Variants in A2ML1 observed in about 807,000 individuals in gnomAD.
A2ML1 encodes the protein alpha-2-macroglobulin-like protein 1.
Under a neutral mutation model 181.9 loss-of-function variants are expected in A2ML1, and 161 were observed. That is an observed-to-expected ratio of 0.89 (90% CI 0.78 to 1.01). The LOEUF (loss-of-function observed/expected upper bound fraction) is 1.01. Among genes scored for constraint, A2ML1 ranks in the 50% least tolerant of loss-of-function variants. A2ML1 has a pLI of 0.00. For synonymous variants in A2ML1, 663 were observed against 666.8 expected (o/e 0.99, Z 0.09); for missense variants, 1,670 against 1,768.1 (o/e 0.94, Z 1.00).
At chr12:8,844,908 A>C in intron 12 of A2ML1, 6 of 1,088,958 alleles carry the variant, frequency 5.5e-6, no homozygotes, top group Non-Finnish European at 7.1e-6. Context: ...GCGTGGGATG[A>C]GAGCCTGCTT....
At chr12:8,840,401 C>T (rs989138150) in intron 10 of A2ML1, among the ~76,000 whole-genome samples, 9 of 151,354 alleles carry the variant, frequency 5.9e-5, no homozygotes, top group Non-Finnish European at 1.2e-4. Flanking sequence ...ATTTTCTTTG[C>T]TAGTGTTTTC....
chr12:8,833,957 G>C (rs7970580), intron 4 of A2ML1, among the ~76,000 whole-genome samples: 122,122 of 152,020 alleles, frequency 0.8, 49,636 homozygotes, highest in East Asian at 1. Flanking sequence ...AAAAATCAAG[G>C]ACTGTCTTGA....
chr12:8,842,421 G>C (rs753793980), intron 11 of A2ML1, among the ~76,000 whole-genome samples: 1 of 151,914 alleles, frequency 6.6e-6, no homozygotes, highest in Non-Finnish European at 1.5e-5. Context: ...GGGTTTCACT[G>C]TGTTAGCCAG....
chr12:8,834,742 G>A (rs979036122), intron 5 of A2ML1, 60 bp downstream of exon 5: 2 of 1,604,782 alleles, frequency 1.2e-6, no homozygotes, highest in South Asian at 1.1e-5. Context: ...TGAGAATTTG[G>A]TGGTACACCT....
chr12:8,834,586 A>G (rs1455993828), intron 4 of A2ML1, 76 bp from the exon 5 acceptor site: 2 of 1,546,366 alleles, frequency 1.3e-6, no homozygotes, highest in African/African-American at 2.8e-5. Flanking sequence ...ATTCTTTGTG[A>G]ACTTTTGCTT....
intron 33 of A2ML1, among the ~76,000 whole-genome samples, chr12:8,874,021 T>G (rs1030454165): frequency 6.6e-6 from 1 of 151,830 alleles, no homozygotes; most frequent in African/African-American, 2.4e-5. Context: ...AAAAAAAAAT[T>G]TTTTTTTAAT....
intron 11 of A2ML1, among the ~76,000 whole-genome samples, chr12:8,842,030 A>C (rs913211925): frequency 2.0e-5 from 3 of 152,210 alleles, no homozygotes; most frequent in African/African-American, 7.2e-5. Flanking sequence ...TGGGGCATTC[A>C]GTCAGGCAGC....
chr12:8,868,658 A>T (rs1279060053), intron 32 of A2ML1, 31 bp downstream of exon 32: 1 of 1,596,600 alleles, frequency 6.3e-7, no homozygotes, highest in African/African-American at 1.3e-5. Context: ...TCATTTATCT[A>T]GCTGTGAGGG....
intron 31 of A2ML1, 74 bp downstream of exon 31, chr12:8,868,431 T>C: frequency 6.3e-7 from 1 of 1,583,976 alleles, no homozygotes; most frequent in Non-Finnish European, 8.6e-7. Flanking sequence ...CTTGTGTGTG[T>C]GTGTGTCTGT....
intron 12 of A2ML1, among the ~76,000 whole-genome samples, chr12:8,844,172 G>A (rs1461201531): frequency 6.6e-6 from 1 of 151,878 alleles, no homozygotes; most frequent in Non-Finnish European, 1.5e-5. Context: ...TGAGAAAATA[G>A]TGCTGGCCAG....
chr12:8,843,056 T>A, intron 11 of A2ML1, 78 bp from the exon 12 acceptor site: 1 of 1,314,210 alleles, frequency 7.6e-7, no homozygotes, highest in East Asian at 2.3e-5. Flanking sequence ...AGAGCTCTAT[T>A]TGAAAACCGT....
In A2ML1 at chr12:8,834,688, C is replaced by A. The variant is rs754169968; in HGVS notation, c.483+6C>A. 7 of 1,614,102 alleles carry A rather than the reference C, an allele frequency of 4.3e-6. No homozygotes were observed. The highest frequency in any genetic ancestry group is 5.9e-6 in the Non-Finnish European group (7 of 1,179,994). On this transcript the variant is annotated splice_donor_region_variant and intron_variant, in intron 5 of 35. Coordinates refer to ENST00000299698, the MANE Select transcript of A2ML1 (RefSeq NM_144670.6). Reference sequence around the variant, plus strand: ...ACTCCATGGTGGAACTACAGGTAAGCGGAAGTTTCTTTCTCTTCTCTGTCA... The same window carrying A: ...ACTCCATGGTGGAACTACAGGTAAGAGGAAGTTTCTTTCTCTTCTCTGTCA...
chr12:8,874,905 T>G lies in A2ML1; in HGVS notation c.4325-66T>G, dbSNP rs913533959. The G allele has an allele frequency of 2.0e-6, 3 of 1,538,162 alleles. No individual in the cohort carries two copies. In the Admixed American group the frequency reaches 5.1e-5, roughly 26 times the overall value. ...GAAGGGGCTCAAGCAGTAGCTTTTC[T>G]GAAGCATTTTCCCTCTGAATATAGG... On this transcript the variant is annotated intron_variant, in intron 34 of 35. Transcript: ENST00000299698.
At chr12:8,832,590 T>C (rs1452594964) in intron 4 of A2ML1, among the ~76,000 whole-genome samples, 1 of 152,170 alleles carries the variant, frequency 6.6e-6, no homozygotes, top group Non-Finnish European at 1.5e-5. Context: ...TTCACTTTCA[T>C]AGTTTCCTCA....
chr12:8,879,150 G>A (rs750951052), downstream of A2ML1, among the ~76,000 whole-genome samples: 2 of 152,002 alleles, frequency 1.3e-5, no homozygotes, highest in Non-Finnish European at 2.9e-5. Context: ...TCATTCCCAA[G>A]CTTGCCTCTT....
intron 4 of A2ML1, among the ~76,000 whole-genome samples, chr12:8,833,530 G>C (rs1943183967): frequency 6.6e-6 from 1 of 152,002 alleles, no homozygotes; most frequent in East Asian, 1.9e-4. Flanking sequence ...CGGAGTAGCT[G>C]GGGTTACAGG....
chr12:8,881,296 C>A (rs941897614), downstream of A2ML1, among the ~76,000 whole-genome samples: 8 of 152,130 alleles, frequency 5.3e-5, no homozygotes, highest in African/African-American at 1.9e-4. Flanking sequence ...GGCTTATATG[C>A]CATTTTAACA....
chr12:8,867,573 G>T (rs927324751), intron 29 of A2ML1, among the ~76,000 whole-genome samples: 3 of 152,078 alleles, frequency 2.0e-5, no homozygotes, highest in Non-Finnish European at 4.4e-5. Flanking sequence ...CTTGAACCCA[G>T]GAAGCGGAGG....
At chr12:8,842,556 G>A (rs1377090700) in intron 11 of A2ML1, among the ~76,000 whole-genome samples, 1 of 152,062 alleles carries the variant, frequency 6.6e-6, no homozygotes, top group East Asian at 1.9e-4. Flanking sequence ...CCAACAAATC[G>A]AACAGTGGGC....
Sources: gnomAD v4.1 joint callset for allele counts (sites outside exome capture counted in the v4.1 genomes callset) on GRCh38, gnomAD v4.1.1 for gene constraint, MANE v1.5 for transcripts, NCBI Gene and HGNC (gene_info 2026-07-23, HGNC 2026-07-21) for gene names.